The following PTPRD variants were observed in gnomAD, a reference collection of about 807,000 sequenced individuals.
PTPRD encodes the protein protein tyrosine phosphatase receptor type D, also known as receptor-type tyrosine-protein phosphatase delta.
Under a neutral mutation model 214.5 loss-of-function variants are expected in PTPRD, and 34 were observed. That is an observed-to-expected ratio of 0.16 (90% confidence interval 0.12 to 0.21). PTPRD has a LOEUF of 0.21. Among genes scored for constraint, PTPRD ranks in the 10% least tolerant of loss-of-function variants. The pLI is 1.00. For synonymous variants in PTPRD, 1,128 were observed against 845.7 expected, an observed-to-expected ratio of 1.33 and a Z score of -5.79; for missense variants, 2,545 against 2,398.7, an observed-to-expected ratio of 1.06 and a Z score of -1.27.
At chr9:9,578,611 G>C (rs985069502) in intron 7 of PTPRD, among the ~76,000 whole-genome samples, 1 of 151,964 alleles carries the variant, frequency 6.6e-6, no homozygotes, top group South Asian at 2.1e-4. Flanking sequence ...ACAGTTTGTT[G>C]GGTTTAGGAA....
intron 2 of PTPRD, among the ~76,000 whole-genome samples, chr9:10,504,082 C>A (rs1280107971): frequency 8.8e-6 from 1 of 113,386 alleles, no homozygotes; most frequent in Non-Finnish European, 1.7e-5. Context: ...CGCCACTGCA[C>A]TCCAGCATGG....
intron 11 of PTPRD, among the ~76,000 whole-genome samples, chr9:8,937,305 G>C (rs141686853): frequency 1.3e-5 from 2 of 152,104 alleles, no homozygotes; most frequent in Non-Finnish European, 2.9e-5. Context: ...CACATACAGA[G>C]AAATGTTTAA....
intron 9 of PTPRD, among the ~76,000 whole-genome samples, chr9:9,288,384 T>C (rs1417766779): frequency 6.6e-6 from 1 of 151,894 alleles, no homozygotes; most frequent in African/African-American, 2.4e-5. Context: ...TCATACTTTG[T>C]TAAACATTTT....
chr9:10,523,441 C>A (rs1171590068), intron 2 of PTPRD, among the ~76,000 whole-genome samples: 2 of 151,566 alleles, frequency 1.3e-5, no homozygotes, highest in East Asian at 3.9e-4. Flanking sequence ...CCACTTCAGT[C>A]TTTTCTTTCC....
At chr9:9,415,652 G>C (rs1310707674) in intron 8 of PTPRD, among the ~76,000 whole-genome samples, 2 of 152,008 alleles carry the variant, frequency 1.3e-5, no homozygotes, top group Non-Finnish European at 2.9e-5. Context: ...AAAGCCATAA[G>C]ATTACCCTTT....
At chr9:10,586,722 T>G (rs552116649) in intron 2 of PTPRD, among the ~76,000 whole-genome samples, 8 of 151,994 alleles carry the variant, frequency 5.3e-5, no homozygotes, top group African/African-American at 1.9e-4. Context: ...TGTAAGTTAC[T>G]GTCAATCCTG....
intron 9 of PTPRD, among the ~76,000 whole-genome samples, chr9:9,336,032 A>C (rs1161289440): frequency 6.6e-6 from 1 of 152,130 alleles, no homozygotes; most frequent in Non-Finnish European, 1.5e-5. Context: ...CAAACTCAAA[A>C]AAAGATGTTA....
intron 2 of PTPRD, among the ~76,000 whole-genome samples, chr9:10,516,025 G>A (rs1012461294): frequency 2.6e-5 from 4 of 151,938 alleles, no homozygotes; most frequent in African/African-American, 9.7e-5. Flanking sequence ...GAATAGAGAT[G>A]CAGTGTACAT....
intron 12 of PTPRD, among the ~76,000 whole-genome samples, chr9:8,695,670 T>G (rs966240396): frequency 6.6e-6 from 1 of 152,196 alleles, no homozygotes; most frequent in African/African-American, 2.4e-5. Context: ...AAAGCTACTA[T>G]AGCTGAACTT....
chr9:8,879,383 T>TTTCA (rs1236682828), intron 11 of PTPRD, among the ~76,000 whole-genome samples: 2 of 152,140 alleles, frequency 1.3e-5, no homozygotes, highest in Non-Finnish European at 1.5e-5. Context: ...GCATTCATTT[T>TTTCA]TTCATTCATT....
chr9:9,739,446 T>G (rs1325680354), intron 6 of PTPRD, among the ~76,000 whole-genome samples: 1 of 152,224 alleles, frequency 6.6e-6, no homozygotes, highest in African/African-American at 2.4e-5. Flanking sequence ...CTTTGCTAAG[T>G]TGTATTTTTC....
At chr9:10,165,674 G>T (rs953895485) in intron 3 of PTPRD, among the ~76,000 whole-genome samples, 2 of 151,424 alleles carry the variant, frequency 1.3e-5, no homozygotes, top group Non-Finnish European at 3.0e-5. Flanking sequence ...ACCTAGAATA[G>T]TTGATGAATG....
chr9:10,591,364 A>T (rs1031824267), intron 2 of PTPRD, among the ~76,000 whole-genome samples: 1 of 152,082 alleles, frequency 6.6e-6, no homozygotes, highest in Non-Finnish European at 1.5e-5. Context: ...TACTACTGGC[A>T]CGTGTTTTGA....
intron 9 of PTPRD, among the ~76,000 whole-genome samples, chr9:9,202,121 A>G (rs781529179): frequency 3.3e-5 from 5 of 152,212 alleles, no homozygotes; most frequent in Non-Finnish European, 5.9e-5. Context: ...TAGCACACAC[A>G]GAGGTGGAGA....
chr9:8,834,570 G>T (rs780748698), intron 11 of PTPRD, among the ~76,000 whole-genome samples: 11 of 152,028 alleles, frequency 7.2e-5, no homozygotes, highest in Non-Finnish European at 1.5e-4. Context: ...TTGATTTTTT[G>T]ACTATCCCAT....
At chr9:9,994,584 G>A (rs1285303779) in intron 4 of PTPRD, among the ~76,000 whole-genome samples, 1 of 151,626 alleles carries the variant, frequency 6.6e-6, no homozygotes, top group Admixed American at 6.6e-5. Context: ...TTGTCAAAAA[G>A]AACAAAACCT....
intron 5 of PTPRD, among the ~76,000 whole-genome samples, chr9:9,787,822 C>G (rs544723380): frequency 6.6e-6 from 1 of 151,326 alleles, no homozygotes; most frequent in Admixed American, 6.6e-5. Flanking sequence ...TGCTCTGTCT[C>G]CCAGGCTGGA....
At chr9:8,894,717 A>G (rs981657390) in intron 11 of PTPRD, among the ~76,000 whole-genome samples, 3 of 152,230 alleles carry the variant, frequency 2.0e-5, no homozygotes, top group African/African-American at 7.2e-5. Context: ...CCATTTGAAA[A>G]AGGAAAGTAG....
At chr9:9,461,267 C>A (rs895117577) in intron 8 of PTPRD, among the ~76,000 whole-genome samples, 3 of 151,902 alleles carry the variant, frequency 2.0e-5, no homozygotes, top group Non-Finnish European at 2.9e-5. Flanking sequence ...AGCCCAAACC[C>A]CAGCATTACA....
Sources: gnomAD v4.1 joint callset for allele counts (sites outside exome capture counted in the v4.1 genomes callset) on GRCh38, gnomAD v4.1.1 for gene constraint, MANE v1.5 for transcripts, NCBI Gene and HGNC (gene_info 2026-07-23, HGNC 2026-07-21) for gene names.